Variants in RHOT2 observed in about 807,000 individuals in gnomAD.
RHOT2 encodes the protein mitochondrial Rho GTPase 2.
A neutral mutation model predicts 81.6 loss-of-function variants in RHOT2; 90 were observed. The observed-to-expected ratio is 1.10, with a 90% CI of 0.93 to 1.31. RHOT2 has a LOEUF of 1.31. RHOT2 is among the 40% of genes most tolerant of loss of function. RHOT2 has a pLI of 0.00. For missense variants in RHOT2, 1,014 were observed against 841.9 expected (o/e 1.20, Z -2.53); for synonymous variants, 512 against 370.9 (o/e 1.38, Z -4.37).
At position 672,395 on chromosome 16, in the gene RHOT2, T is replaced by G. The variant is rs1254981261; in HGVS notation, c.1326+11T>G. On this transcript the variant is annotated intron_variant, in intron 15 of 18. Coordinates refer to ENST00000315082, the MANE Select transcript of RHOT2 (RefSeq NM_138769.3). ...GGCCGCGGCCTGGGGGTAAGCACCCTAGACTCCCCCACCACCCCAGGGGCT... is the reference window on the plus strand; with the variant it reads ...GGCCGCGGCCTGGGGGTAAGCACCCGAGACTCCCCCACCACCCCAGGGGCT... 1.2e-6 allele frequency: 2 copies of G among 1,608,336 alleles called. No homozygotes were observed. The highest frequency in any genetic ancestry group is 1.7e-6 in the Non-Finnish European group (2 of 1,177,270).
At chr16:668,746 C>T in intron 4 of RHOT2, 47 bp downstream of exon 4, 2 of 1,544,214 alleles carry the variant, frequency 1.3e-6, no homozygotes, top group South Asian at 2.4e-5. Flanking sequence ...GCGGGCTCGG[C>T]CTAATCCGCT....
In RHOT2 at chr16:673,582, C is replaced by T. The variant is rs760291820; in HGVS notation, c.1833C>T (p.Tyr611=). The T allele has an allele frequency of 7.4e-6, 12 of 1,611,076 alleles. No individual in the cohort carries two copies. The highest frequency in any genetic ancestry group is 4.0e-5 in the African/African-American group (3 of 74,850). ...AVAAVLSFSL[Y]RVLVKSQ is the part of the protein sequence containing the mutation. ...CCGCAGTCCTCAGCTTCTCACTCTACAGGGTCCTGGTGAAGAGCCAGTGAG... is the reference window on the plus strand; with the variant it reads ...CCGCAGTCCTCAGCTTCTCACTCTATAGGGTCCTGGTGAAGAGCCAGTGAG... The change falls in exon 19 of 19, where the codon TAC becomes TAT. Residue 611 remains tyrosine (Y), a synonymous_variant. Coordinates refer to ENST00000315082, the MANE Select transcript of RHOT2 (RefSeq NM_138769.3).
In RHOT2 at chr16:670,956, G is replaced by T; in HGVS notation, c.704G>T (p.Arg235Met). 6.4e-7 allele frequency: 1 copy of T among 1,572,926 alleles called. No individual in the cohort carries two copies. The highest frequency in any genetic ancestry group is 8.6e-7 in the Non-Finnish European group (1 of 1,157,600). Residue 235 changes from arginine to methionine, a missense_variant, in exon 10 of 19, where the codon AGG (arginine) becomes ATG (methionine). Arg to Met is a moderately conservative substitution (Grantham distance 91). Coordinates refer to ENST00000315082, the MANE Select transcript of RHOT2 (RefSeq NM_138769.3). The stretch of plus-strand genomic sequence containing the variant: ...GAGGACGTGAAGACGGTGGTGTGCA[G>T]GAACGTGGCGGGCGGCGTGCGGGAG... ...ALEDVKTVVC[R>M]NVAGGVREDR...
Position 668,426 on chromosome 16 carries a change from C to T in RHOT2, c.96+15C>T, listed in dbSNP as rs779731318. 3 of 1,541,858 alleles carry T rather than the reference C, an allele frequency of 1.9e-6. No homozygotes were observed. The highest frequency in any genetic ancestry group is 2.4e-5 in the East Asian group (1 of 42,040). On this transcript the variant is annotated intron_variant, in intron 2 of 18. Coordinates refer to ENST00000315082, the MANE Select transcript of RHOT2 (RefSeq NM_138769.3). ...TCCCCGAGGAGGTAAGGGGCACGCC[C>T]GCCGCGGGGGTGGGAGCGGGCCCAG...
chr16:673,876 C>T lies in RHOT2; in HGVS notation c.*270C>T, dbSNP rs1324780508. On this transcript the variant is annotated 3_prime_UTR_variant, in exon 19 of 19. Coordinates refer to ENST00000315082, the MANE Select transcript of RHOT2 (RefSeq NM_138769.3). ...GCCACCGCTGTCAGGGATTGCCCAC[C>T]CCTGGGCATCATGTGTGTGGGGCCG... 5.0e-5 allele frequency: 31 copies of T among 614,468 alleles called. No homozygotes were observed. Among genetic ancestry groups the T allele is most frequent in the Middle Eastern group, 3.0e-4 (1 of 3,292 alleles). 38.1% of individuals were successfully genotyped at this position (614,468 alleles called of 1,614,324 possible).
At chr16:671,239 G>C in intron 11 of RHOT2, 36 bp downstream of exon 11, 1 of 1,519,984 alleles carries the variant, frequency 6.6e-7, no homozygotes, top group Non-Finnish European at 8.8e-7. Context: ...TGCCCTCCCC[G>C]AGGGTCAGGA....
rs1366240409 is a variant in RHOT2 at position 668,164 on chromosome 16, G to GGGTTCCGGGTCGGGGAGC, written c.-33_-16dup. 3 of 447,254 alleles carry GGGTTCCGGGTCGGGGAGC rather than the reference G, an allele frequency of 6.7e-6. No individual in the cohort carries two copies. Among genetic ancestry groups the GGGTTCCGGGTCGGGGAGC allele is most frequent in the African/African-American group, 6.0e-5 (3 of 50,030 alleles). 27.7% of individuals were successfully genotyped at this position (447,254 alleles called of 1,614,324 possible). On this transcript the variant is annotated 5_prime_UTR_variant, in exon 1 of 19. Transcript: ENST00000315082. ...AAGGCTTGAGGACCAGGTCGGGGCC[G>GGGTTCCGGGTCGGGGAGC]GGTTCCGGGTCGGGGAGCGGCTCCG... is the stretch of plus-strand genomic sequence containing the variant.
At position 672,090 on chromosome 16, in the gene RHOT2, G is replaced by T; in HGVS notation, c.1104G>T (p.Val368=). The T allele has an allele frequency of 6.2e-7, 1 of 1,612,322 alleles. No individual in the cohort carries two copies. The highest frequency in any genetic ancestry group is 8.5e-7 in the Non-Finnish European group (1 of 1,179,814). Reference sequence around the variant, plus strand: ...GCCTCCCGCCCACCCCCAGCCTGGTGACCTACCTGGACGTCCGGAGCTGCC... The same window carrying T: ...GCCTCCCGCCCACCCCCAGCCTGGTTACCTACCTGGACGTCCGGAGCTGCC... The part of the protein sequence containing the change: ...LHGYLCQWTL[V]TYLDVRSCLG... The change falls in exon 14 of 19, where the codon GTG becomes GTT. Residue 368 remains valine, a synonymous_variant. Transcript: ENST00000315082.
rs2038770471 is a variant in RHOT2, at chr16:670,669, CCA to C, written c.541-3_541-2del. On this transcript the variant is annotated splice_polypyrimidine_tract_variant and splice_region_variant and intron_variant, in intron 8 of 18. Transcript: ENST00000315082. Reference sequence around the variant, plus strand: ...ACCTGAGGGTGCTGAGCCAACATCCCCACAGTTGAGGCCCGCGTGCGCCCAGG... The same window carrying C: ...ACCTGAGGGTGCTGAGCCAACATCCCCAGTTGAGGCCCGCGTGCGCCCAGG... 3.1e-6 allele frequency: 5 copies of C among 1,611,888 alleles called. No homozygotes were observed. Among genetic ancestry groups the C allele is most frequent in the Admixed American group, 1.7e-5 (1 of 59,994 alleles).
At position 671,964 on chromosome 16, in the gene RHOT2, C is replaced by T. The variant is rs147693926; in HGVS notation, c.1059C>T (p.Ala353=). 1,809 of 1,612,230 alleles carry T rather than the reference C, an allele frequency of 1.1e-3. 4 individuals carry two copies. Among genetic ancestry groups the T allele is most frequent in the Non-Finnish European group, 1.4e-3 (1,646 of 1,179,800 alleles). Residue 353 remains alanine (A), a synonymous_variant, in exon 13 of 19, where the codon GCC becomes GCT. Transcript: ENST00000315082. ...TCCCACGCACAGTCCGCACAGAGGCCGGCCGGTTGCCCCTGCACGGATACC... is the reference window on the plus strand; with the variant it reads ...TCCCACGCACAGTCCGCACAGAGGCTGGCCGGTTGCCCCTGCACGGATACC... ...PELPRTVRTE[A]GRLPLHGYLC...
At chr16:669,734 T>TGACGTGGAGTCACCC (rs2038586427) in intron 5 of RHOT2, 128 bp downstream of exon 5, 4 of 907,026 alleles carry the variant, frequency 4.4e-6, no homozygotes, top group Non-Finnish European at 6.9e-6. Flanking sequence ...TGGAGTTGCC[T>TGACGTGGAGTCACCC]GACGTGGAGT....
At chr16:668,435 G>A (rs200658296) in intron 2 of RHOT2, 24 bp downstream of exon 2, 2 of 1,556,684 alleles carry the variant, frequency 1.3e-6, no homozygotes, top group East Asian at 2.4e-5. Flanking sequence ...CCGCCGCGGG[G>A]GTGGGAGCGG....
At position 668,716 on chromosome 16, in the gene RHOT2, G is replaced by A. The variant is rs376009690; in HGVS notation, c.222+17G>A. 2 of 1,583,454 alleles carry A rather than the reference G, an allele frequency of 1.3e-6. No homozygotes were observed. Among genetic ancestry groups the A allele is most frequent in the Non-Finnish European group, 1.7e-6 (2 of 1,167,588 alleles). On this transcript the variant is annotated intron_variant, in intron 4 of 18. Coordinates refer to ENST00000315082, the MANE Select transcript of RHOT2 (RefSeq NM_138769.3). ...ATCCACAAGGTACCCGTGGTGCGCG[G>A]GACGAGGGAGGGGCTGGGCGCGGGC...
Position 671,874 on chromosome 16 carries a change from C to T in RHOT2, c.969C>T (p.Ala323=), listed in dbSNP as rs1488590206. ...TCCTTCTGCAGGACCGCGACGGCGC[C>T]CTCTCGCCCGTGGAGCTGCAAAGCC... ...FEKHDQDRDG[A]LSPVELQSLF... Residue 323 remains alanine, a synonymous_variant, in exon 13 of 19, where the codon GCC becomes GCT. Transcript: ENST00000315082. The T allele has an allele frequency of 1.2e-5, 20 of 1,611,828 alleles. No homozygotes were observed. Among genetic ancestry groups the T allele is most frequent in the Non-Finnish European group, 1.7e-5 (20 of 1,179,678 alleles).
At chr16:670,631 G>A (rs772768653) in intron 8 of RHOT2, 44 bp from the exon 9 acceptor site, 22 of 1,604,650 alleles carry the variant, frequency 1.4e-5, no homozygotes, top group Admixed American at 1.3e-4. Flanking sequence ...GGTGTGGCAG[G>A]TCGGCGTGGG....
chr16:672,504 G>A lies in RHOT2; in HGVS notation c.1342G>A (p.Glu448Lys), dbSNP rs1352364846. 4.3e-6 allele frequency: 7 copies of A among 1,612,496 alleles called. No homozygotes were observed. The Admixed American group carries it at 6.7e-5, about 15-fold the overall frequency. ...GRGLGHQDTR[E>K]QPPGYAIDTV... is the part of the protein sequence containing the mutation. ...CCTCCCTCAGCACCAGGACACGAGG[G>A]AGCAGCCTCCCGGCTACGCCATCGA... The change falls in exon 16 of 19, where the codon GAG becomes AAG. Residue 448 changes from glutamate to lysine, a missense_variant. Glu to Lys is a moderately conservative substitution (Grantham distance 56). Coordinates refer to ENST00000315082, the MANE Select transcript of RHOT2 (RefSeq NM_138769.3).
Position 670,165 on chromosome 16 carries a change from C to G in RHOT2, c.319C>G (p.Gln107Glu), listed in dbSNP as rs368824707. 64 of 1,598,628 alleles carry G rather than the reference C, an allele frequency of 4.0e-5. No homozygotes were observed. The highest frequency in any genetic ancestry group is 5.1e-5 in the Non-Finnish European group (60 of 1,173,302). The stretch of plus-strand genomic sequence containing the variant: ...CCCACTGGTGAATGGGGGGACCACG[C>G]AGGGGCCCAGGTAATGAGGGGATGT... ...WIPLVNGGTT[Q>E]GPRVPIILVG... Residue 107 changes from glutamine (Q) to glutamate (E), a missense_variant, in exon 6 of 19, where the codon CAG becomes GAG. Gln to Glu is a conservative substitution (Grantham distance 29, BLOSUM62 2). Transcript: ENST00000315082.
At position 673,651 on chromosome 16, in the gene RHOT2, G is replaced by A. The variant is rs758375828; in HGVS notation, c.*45G>A. Reference sequence around the variant, plus strand: ...CCCTCCCCTGACCTGGGTGTGCCTCGCTGCTGGGGCTCTGCAGGGGCAGCA... The same window carrying A: ...CCCTCCCCTGACCTGGGTGTGCCTCACTGCTGGGGCTCTGCAGGGGCAGCA... On this transcript the variant is annotated 3_prime_UTR_variant, in exon 19 of 19. Coordinates refer to ENST00000315082, the MANE Select transcript of RHOT2 (RefSeq NM_138769.3). 3.2e-5 allele frequency: 50 copies of A among 1,574,536 alleles called. No homozygotes were observed. Among genetic ancestry groups the A allele is most frequent in the Admixed American group, 3.9e-5 (2 of 51,308 alleles).
rs547434470 is a variant in RHOT2, at chr16:669,772, T to TC, written c.276+170dup. Reference sequence around the variant, plus strand: ...CCCGGCCCTCTCCTGTGATCCCACTTCCCCTGAGAGGGTCTGGGGCGTCCC... The same window carrying TC: ...CCCGGCCCTCTCCTGTGATCCCACTTCCCCCTGAGAGGGTCTGGGGCGTCCC... On this transcript the variant is annotated intron_variant, in intron 5 of 18. Coordinates refer to ENST00000315082, the MANE Select transcript of RHOT2 (RefSeq NM_138769.3). The TC allele has an allele frequency of 8.7e-4, 609 of 703,812 alleles. 1 individual carries two copies. The highest frequency in any genetic ancestry group is 1.4e-3 in the Non-Finnish European group (564 of 406,270). 43.6% of individuals were successfully genotyped at this position (703,812 alleles called of 1,614,324 possible).
Sources: allele counts gnomAD v4.1 joint callset, GRCh38; gene constraint gnomAD v4.1.1; transcripts MANE v1.5; gene names NCBI Gene and HGNC (gene_info 2026-07-23, HGNC 2026-07-21).